The following LYPD6B variants were observed in gnomAD, a reference collection of about 807,000 sequenced individuals.
LYPD6B encodes the protein ly6/PLAUR domain-containing protein 6B.
LYPD6B carries 17 observed loss-of-function variants against 22.8 expected under a neutral mutation model. That is an observed-to-expected ratio of 0.75 (90% confidence interval 0.51 to 1.12). LYPD6B has a LOEUF of 1.12. Among genes scored for constraint, LYPD6B ranks in the 50% most tolerant of loss-of-function variants. The pLI is 0.00. For missense variants in LYPD6B, 221 were observed against 258.3 expected, an observed-to-expected ratio of 0.86 and a Z score of 0.99; for synonymous variants, 106 against 91.6, an observed-to-expected ratio of 1.16 and a Z score of -0.90.
intron 1 of LYPD6B, among the ~76,000 whole-genome samples, chr2:149,059,024 C>G (rs562027754): frequency 6.6e-6 from 1 of 152,306 alleles, no homozygotes; most frequent in Non-Finnish European, 1.5e-5. Flanking sequence ...CAGCCACGGT[C>G]TCCATCTTGT....
At chr2:149,078,864 A>C (rs1434986781) in intron 1 of LYPD6B, among the ~76,000 whole-genome samples, 1 of 152,018 alleles carries the variant, frequency 6.6e-6, no homozygotes, top group African/African-American at 2.4e-5. Flanking sequence ...AAAAATTAGC[A>C]GGGTGTGGTA....
At chr2:149,205,136 C>T in intron 3 of LYPD6B, 117 bp from the exon 4 acceptor site, 1 of 1,074,874 alleles carries the variant, frequency 9.3e-7, no homozygotes, top group Non-Finnish European at 1.3e-6. Context: ...CCTGGCCCTA[C>T]ACAACAGGTA....
chr2:149,191,331 A>G (rs1206970013), intron 3 of LYPD6B, among the ~76,000 whole-genome samples: 1 of 152,160 alleles, frequency 6.6e-6, no homozygotes, highest in African/African-American at 2.4e-5. Flanking sequence ...TTCTTGTTCA[A>G]ATATTCTTTT....
intron 3 of LYPD6B, among the ~76,000 whole-genome samples, chr2:149,173,594 A>G (rs1285379567): frequency 2.0e-5 from 3 of 152,170 alleles, no homozygotes; most frequent in Non-Finnish European, 2.9e-5. Context: ...ATAATTTGCT[A>G]TCATTTCCCT....
At position 149,132,665 on chromosome 2, in the gene LYPD6B, T is replaced by C. The variant is rs149938100; in HGVS notation, c.5+1712T>C. 3.3e-5 allele frequency among the ~76,000 whole-genome samples: 5 copies of C among 152,284 alleles called. 1 individual carries two copies. The East Asian group carries it at 9.7e-4, about 29-fold the overall frequency. The stretch of plus-strand genomic sequence containing the variant: ...GGACAACTTATTTCCATTTTACAGA[T>C]GTGCAGTTTGTTAACTGTGCTTGGC... On this transcript the variant is annotated intron_variant, in intron 2 of 6. Coordinates refer to ENST00000409642, the MANE Select transcript of LYPD6B (RefSeq NM_177964.5).
At chr2:149,155,083 A>G (rs1320732986) in intron 2 of LYPD6B, among the ~76,000 whole-genome samples, 2 of 152,206 alleles carry the variant, frequency 1.3e-5, no homozygotes, top group Non-Finnish European at 2.9e-5. Context: ...TGTCAAGGGT[A>G]TGTTCCTTGA....
chr2:149,090,202 T>C (rs1248427551), intron 1 of LYPD6B, among the ~76,000 whole-genome samples: 1 of 152,246 alleles, frequency 6.6e-6, no homozygotes, highest in African/African-American at 2.4e-5. Flanking sequence ...AGAAAGACTT[T>C]GTATTTCAGA....
chr2:149,215,232 G>A lies in LYPD6B; in HGVS notation c.*522G>A, dbSNP rs138448065. 1,643 of 155,200 alleles carry A rather than the reference G, an allele frequency of 0.011. 18 individuals carry two copies. Among genetic ancestry groups the A allele is most frequent in the Non-Finnish European group, 0.017 (1,155 of 69,836 alleles). 9.6% of individuals were successfully genotyped at this position (155,200 alleles called of 1,614,324 possible). A position where few individuals can be genotyped will look rare whatever the true frequency, so the allele number is the denominator to read the frequency against. On this transcript the variant is annotated 3_prime_UTR_variant, in exon 7 of 7. Transcript: ENST00000409642. ...GAAATCTATTTGCAAATTATGGGGGGAAATAAAGCTTTTAAATTATACAAT... is the reference window on the plus strand; with the variant it reads ...GAAATCTATTTGCAAATTATGGGGGAAAATAAAGCTTTTAAATTATACAAT...
intron 5 of LYPD6B, among the ~76,000 whole-genome samples, chr2:149,209,388 G>T (rs1409389408): frequency 6.6e-6 from 1 of 152,150 alleles, no homozygotes; most frequent in African/African-American, 2.4e-5. Context: ...GAATGCATAT[G>T]AACTTGGAAG....
chr2:149,072,044 G>C (rs1684627911), intron 1 of LYPD6B, among the ~76,000 whole-genome samples: 1 of 152,000 alleles, frequency 6.6e-6, no homozygotes, highest in African/African-American at 2.4e-5. Flanking sequence ...TGAGTCTCCT[G>C]CCTCAGCCTC....
chr2:149,042,126 G>T (rs1683113510), intron 1 of LYPD6B, among the ~76,000 whole-genome samples: 1 of 152,214 alleles, frequency 6.6e-6, no homozygotes, highest in Admixed American at 6.5e-5. Flanking sequence ...AAACTAACAG[G>T]CTGGGACTTG....
At chr2:149,072,182 TCA>T (rs1684637690) in intron 1 of LYPD6B, among the ~76,000 whole-genome samples, 1 of 152,206 alleles carries the variant, frequency 6.6e-6, no homozygotes, top group South Asian at 2.1e-4. Context: ...TCTGCCCTCC[TCA>T]GTCTCCCTAT....
intron 1 of LYPD6B, among the ~76,000 whole-genome samples, chr2:149,068,143 T>C (rs1684428280): frequency 6.6e-6 from 1 of 152,194 alleles, no homozygotes; most frequent in Non-Finnish European, 1.5e-5. Flanking sequence ...TTTTAACCTT[T>C]GTAGAATAAC....
chr2:149,174,917 C>T (rs562117766), intron 3 of LYPD6B, among the ~76,000 whole-genome samples: 1 of 151,988 alleles, frequency 6.6e-6, no homozygotes, highest in African/African-American at 2.4e-5. Context: ...GCACATCCTG[C>T]ACATGTACCC....
At chr2:149,183,839 G>A (rs1392294155) in intron 3 of LYPD6B, among the ~76,000 whole-genome samples, 1 of 144,372 alleles carries the variant, frequency 6.9e-6, no homozygotes, top group Non-Finnish European at 1.5e-5. Context: ...ACATATATGT[G>A]TATGTGTATG....
At chr2:149,097,354 C>A (rs1685951509) in intron 1 of LYPD6B, among the ~76,000 whole-genome samples, 1 of 152,248 alleles carries the variant, frequency 6.6e-6, no homozygotes, top group African/African-American at 2.4e-5. Flanking sequence ...GAGGAACATC[C>A]TTTTGTGTAC....
At chr2:149,110,979 G>A (rs1328349006) in intron 1 of LYPD6B, among the ~76,000 whole-genome samples, 3 of 152,190 alleles carry the variant, frequency 2.0e-5, no homozygotes, top group South Asian at 2.1e-4. Flanking sequence ...GTGAAGTAGT[G>A]TGGCTGGTAG....
At chr2:149,091,731 A>G (rs1685661615) in intron 1 of LYPD6B, among the ~76,000 whole-genome samples, 1 of 152,062 alleles carries the variant, frequency 6.6e-6, no homozygotes, top group Non-Finnish European at 1.5e-5. Context: ...CCACCCATAA[A>G]CCAATCAACA....
chr2:149,159,578 G>A (rs1182214661), intron 2 of LYPD6B, among the ~76,000 whole-genome samples: 1 of 140,124 alleles, frequency 7.1e-6, no homozygotes, highest in African/African-American at 2.8e-5. Flanking sequence ...GCCCGAGAGA[G>A]CATATGTGTG....
Sources: gnomAD v4.1 joint callset for allele counts (sites outside exome capture counted in the v4.1 genomes callset) on GRCh38, gnomAD v4.1.1 for gene constraint, MANE v1.5 for transcripts, NCBI Gene and HGNC (gene_info 2026-07-23, HGNC 2026-07-21) for gene names.